The following PLEK variants were observed in gnomAD, a reference collection of about 807,000 sequenced individuals.
The protein encoded by PLEK is platelet 47 kDa protein.
PLEK carries 25 observed loss-of-function variants against 43.9 expected under a neutral mutation model. That is an observed-to-expected ratio of 0.57 (90% CI 0.41 to 0.79). PLEK has a LOEUF of 0.79. PLEK is among the 30% of genes least tolerant of loss of function. PLEK has a pLI of 0.00. For synonymous variants in PLEK, 152 were observed against 144.4 expected, an observed-to-expected ratio of 1.05 and a Z score of -0.38; for missense variants, 396 against 413.3, an observed-to-expected ratio of 0.96 and a Z score of 0.36.
At chr2:68,377,130 A>G (rs1333986249) in intron 1 of PLEK, among the ~76,000 whole-genome samples, 2 of 152,150 alleles carry the variant, frequency 1.3e-5, no homozygotes, top group Non-Finnish European at 2.9e-5. Context: ...GTAGCCCTCC[A>G]TTGTGTATAT....
intron 5 of PLEK, among the ~76,000 whole-genome samples, chr2:68,387,599 C>T (rs1673772880): frequency 6.6e-6 from 1 of 152,142 alleles, no homozygotes; most frequent in African/African-American, 2.4e-5. Context: ...ACAATGTGAA[C>T]CTGTTCTTAG....
chr2:68,386,420 G>C, intron 4 of PLEK, 82 bp from the exon 5 acceptor site: 1 of 1,054,318 alleles, frequency 9.5e-7, no homozygotes, highest in East Asian at 2.5e-5. Context: ...CTGTGGGTGA[G>C]CTGGAGTCAG....
intron 5 of PLEK, 129 bp downstream of exon 5, chr2:68,386,815 C>CT (rs1382426883): frequency 1.5e-6 from 1 of 666,986 alleles, no homozygotes; most frequent in East Asian, 2.6e-5. Flanking sequence ...CCAGGAAGAA[C>CT]AAGGGAATAC....
intron 4 of PLEK, among the ~76,000 whole-genome samples, chr2:68,384,620 T>C (rs1391497849): frequency 6.6e-6 from 1 of 152,010 alleles, no homozygotes. Flanking sequence ...GGCTGGGAGA[T>C]GAAGGCTGTA....
In PLEK at chr2:68,388,386, GC is replaced by G; in HGVS notation, c.659del (p.Pro220GlnfsTer16). Reference protein sequence around the residue: ...LDNPDAFYYFPDSGFFCEENS... With the variant: ...LDNPDAFYYFXDSGFFCEENS... ...TAGCTTGCTGTTTGATTTTCCAACA[GC>G]CAGACAGTGGGTTCTTCTGTGAAGA... is the stretch of plus-strand genomic sequence containing the variant. On this transcript the variant is annotated frameshift_variant and splice_region_variant, in exon 6 of 9. Coordinates refer to ENST00000234313, the MANE Select transcript of PLEK (RefSeq NM_002664.3). LOFTEE classifies it high-confidence loss of function. 1 of 1,591,630 alleles carries G rather than the reference GC, an allele frequency of 6.3e-7. No individual in the cohort carries two copies. The highest frequency in any genetic ancestry group is 8.6e-7 in the Non-Finnish European group (1 of 1,159,584).
intron 1 of PLEK, among the ~76,000 whole-genome samples, chr2:68,372,598 A>G (rs1673432379): frequency 6.6e-6 from 1 of 152,204 alleles, no homozygotes; most frequent in South Asian, 2.1e-4. Context: ...ACAGGTATTT[A>G]CCAGAAAACT....
chr2:68,389,612 C>T (rs1381270441), intron 6 of PLEK, among the ~76,000 whole-genome samples: 1 of 152,126 alleles, frequency 6.6e-6, no homozygotes, highest in Non-Finnish European at 1.5e-5. Flanking sequence ...GTGGGACATT[C>T]GAATGGAAAA....
At chr2:68,393,093 A>G (rs1458166534) in intron 6 of PLEK, 69 bp from the exon 7 acceptor site, 28 of 886,150 alleles carry the variant, frequency 3.2e-5, no homozygotes, top group South Asian at 5.3e-5. Context: ...ATTATTCTGT[A>G]GGTATTGTTT....
chr2:68,395,744 G>C lies in PLEK; in HGVS notation c.981G>C (p.Leu327Phe). The change falls in exon 9 of 9, where the codon TTG (leucine) becomes TTC (phenylalanine). Residue 327 changes from leucine (L) to phenylalanine (F), a missense_variant. Transcript: ENST00000234313. ...IITADEVHYF[L>F]QAATPKERTE... is the part of the protein sequence containing the mutation. ...CAGCAGATGAAGTGCACTATTTCTT[G>C]CAAGCAGCCACCCCCAAGGAGCGCA... 1 of 1,613,890 alleles carries C rather than the reference G, an allele frequency of 6.2e-7. No individual in the cohort carries two copies. Among genetic ancestry groups the C allele is most frequent in the Non-Finnish European group, 8.5e-7 (1 of 1,179,852 alleles).
At chr2:68,370,791 A>G (rs1034913532) in intron 1 of PLEK, among the ~76,000 whole-genome samples, 8 of 152,162 alleles carry the variant, frequency 5.3e-5, no homozygotes, top group East Asian at 1.9e-4. Context: ...AGAGTTGCTT[A>G]ATTTTACATC....
At chr2:68,367,906 G>A (rs371604560) in intron 1 of PLEK, among the ~76,000 whole-genome samples, 1 of 152,174 alleles carries the variant, frequency 6.6e-6, no homozygotes, top group African/African-American at 2.4e-5. Flanking sequence ...AGATACCTGG[G>A]TAGTAACAGA....
chr2:68,375,865 T>C (rs1046251798), intron 1 of PLEK, among the ~76,000 whole-genome samples: 2 of 152,200 alleles, frequency 1.3e-5, no homozygotes, highest in African/African-American at 4.8e-5. Flanking sequence ...TTAATCAGAA[T>C]GGTCAACTTA....
rs3770647 is a variant in PLEK at position 68,392,273 on chromosome 2, G to C, written c.763-889G>C. ...AACAGGCATTTCCATTCCTACTGCA[G>C]CTACCTAAGGTTTAGTTCCTAATGA... On this transcript the variant is annotated intron_variant, in intron 6 of 8. Coordinates refer to ENST00000234313, the MANE Select transcript of PLEK (RefSeq NM_002664.3). Among the ~76,000 whole-genome samples the C allele has an allele frequency of 2.7e-5, 4 of 148,472 alleles. No homozygotes were observed. The East Asian group carries it at 5.8e-4, about 22-fold the overall frequency.
rs551092275 is a variant in PLEK at position 68,396,053 on chromosome 2, C to T, written c.*237C>T. 2.6e-5 allele frequency: 12 copies of T among 456,236 alleles called. No individual in the cohort carries two copies. The South Asian group carries it at 4.2e-4, about 16-fold the overall frequency. 28.3% of individuals were successfully genotyped at this position (456,236 alleles called of 1,614,324 possible). On this transcript the variant is annotated 3_prime_UTR_variant, in exon 9 of 9. Coordinates refer to ENST00000234313, the MANE Select transcript of PLEK (RefSeq NM_002664.3). The stretch of plus-strand genomic sequence containing the variant: ...CCCCAAGCAGATATAACAAGCTGTG[C>T]AGCCTCAGTAGGCTGCTTGCCCTCT...
At chr2:68,393,671 C>A (rs574927578) in intron 7 of PLEK, among the ~76,000 whole-genome samples, 2 of 152,264 alleles carry the variant, frequency 1.3e-5, no homozygotes, top group East Asian at 3.9e-4. Context: ...TAAAATGAAC[C>A]ACTTTTAAAG....
At chr2:68,394,895 T>G (rs567629083) in intron 8 of PLEK, among the ~76,000 whole-genome samples, 2 of 152,214 alleles carry the variant, frequency 1.3e-5, no homozygotes, top group Non-Finnish European at 2.9e-5. Flanking sequence ...GTTTGTAGTA[T>G]GATAAAGGCT....
At chr2:68,370,164 T>G (rs1673371196) in intron 1 of PLEK, among the ~76,000 whole-genome samples, 1 of 152,262 alleles carries the variant, frequency 6.6e-6, no homozygotes, top group Non-Finnish European at 1.5e-5. Context: ...GATATGCAGT[T>G]TTGATCACAG....
At chr2:68,393,076 G>A in intron 6 of PLEK, 86 bp from the exon 7 acceptor site, 1 of 833,334 alleles carries the variant, frequency 1.2e-6, no homozygotes, top group East Asian at 2.4e-5. Context: ...TCTCAATTCA[G>A]CAAATAATTA....
At chr2:68,384,602 G>A (rs942623966) in intron 4 of PLEK, among the ~76,000 whole-genome samples, 1 of 152,158 alleles carries the variant, frequency 6.6e-6, no homozygotes. Context: ...GGGGAGTCAG[G>A]TGGCCTCGGC....
Sources: allele counts gnomAD v4.1 joint callset (sites outside exome capture counted in the v4.1 genomes callset), GRCh38; gene constraint gnomAD v4.1.1; transcripts MANE v1.5; gene names NCBI Gene and HGNC (gene_info 2026-07-23, HGNC 2026-07-21).